GLI3: variants seen among roughly 807,000 people sequenced by gnomAD.
The protein encoded by GLI3 is GLI family zinc finger 3.
In GLI3, 20 loss-of-function variants were observed where a neutral mutation model predicts 100.8. The observed-to-expected ratio is 0.20, with a 90% CI of 0.14 to 0.29. GLI3 has a LOEUF of 0.29. GLI3 is among the 10% of genes least tolerant of loss of function. The probability of loss-of-function intolerance (pLI) is 1.00; values close to 1 mark genes in which losing one functional copy is unlikely to be tolerated. For missense variants in GLI3, 2,040 were observed against 2,128.5 expected (o/e 0.96, Z 0.82); for synonymous variants, 938 against 860.5 (o/e 1.09, Z -1.58).
At chr7:42,115,588 C>T (rs1785833185) in intron 3 of GLI3, among the ~76,000 whole-genome samples, 2 of 152,174 alleles carry the variant, frequency 1.3e-5, no homozygotes, top group South Asian at 4.1e-4. Context: ...CCCCGGGCTG[C>T]TATTAAGTGC....
At chr7:42,078,129 C>T (rs1784919274) in intron 3 of GLI3, among the ~76,000 whole-genome samples, 1 of 152,202 alleles carries the variant, frequency 6.6e-6, no homozygotes, top group East Asian at 1.9e-4. Flanking sequence ...CAGAGCGTCC[C>T]CCCGCTGAAG....
At chr7:42,238,931 T>A (rs1039720437), upstream of GLI3, among the ~76,000 whole-genome samples, 2 of 152,224 alleles carry the variant, frequency 1.3e-5, no homozygotes, top group Non-Finnish European at 2.9e-5. Flanking sequence ...GGTGGATGAA[T>A]GATGAGCTAT....
At chr7:42,242,828 A>G (rs981477291), upstream of GLI3, among the ~76,000 whole-genome samples, 2 of 152,230 alleles carry the variant, frequency 1.3e-5, no homozygotes, top group African/African-American at 4.8e-5. Context: ...AGGAATTCTT[A>G]TGAGGAATTT....
chr7:42,262,465 G>T (rs1158524360), intron 1 of GLI3, among the ~76,000 whole-genome samples: 8 of 152,034 alleles, frequency 5.3e-5, no homozygotes, highest in African/African-American at 1.9e-4. Flanking sequence ...TAACCATGTT[G>T]CCCAGGCTTG....
intron 10 of GLI3, among the ~76,000 whole-genome samples, chr7:41,985,098 G>A (rs1787781090): frequency 6.6e-6 from 1 of 152,234 alleles, no homozygotes. Context: ...GGAAGGCTGA[G>A]CACACTTGCT....
intron 2 of GLI3, among the ~76,000 whole-genome samples, chr7:42,190,117 C>T (rs1787797019): frequency 2.1e-5 from 3 of 143,962 alleles, no homozygotes; most frequent in South Asian, 2.2e-4. Flanking sequence ...ACAAAGTCAG[C>T]GGCATGAATA....
At chr7:42,121,741 A>G (rs1786005493) in intron 3 of GLI3, among the ~76,000 whole-genome samples, 1 of 152,122 alleles carries the variant, frequency 6.6e-6, no homozygotes, top group Admixed American at 6.5e-5. Flanking sequence ...CCCCTCCATC[A>G]GGAGTGCACC....
At chr7:42,059,844 C>G (rs1347840874) in intron 4 of GLI3, among the ~76,000 whole-genome samples, 2 of 152,254 alleles carry the variant, frequency 1.3e-5, no homozygotes, top group African/African-American at 4.8e-5. Flanking sequence ...AGCTTTTTCC[C>G]TTGGGTAGTC....
intron 1 of GLI3, among the ~76,000 whole-genome samples, chr7:42,261,223 A>ACACACACACACACACAACAC (rs1491140813): frequency 1.4e-5 from 1 of 70,770 alleles, no homozygotes; most frequent in Non-Finnish European, 3.7e-5. Flanking sequence ...ACACACACAC[A>ACACACACACACACACAACAC]ACACACACAC....
At chr7:42,215,986 T>TA (rs1788368588) in intron 2 of GLI3, among the ~76,000 whole-genome samples, 1 of 152,220 alleles carries the variant, frequency 6.6e-6, no homozygotes, top group East Asian at 1.9e-4. Context: ...TCAATAAATT[T>TA]AATCCTGGCA....
chr7:42,184,983 A>G (rs879394564), intron 2 of GLI3, among the ~76,000 whole-genome samples: 1 of 152,064 alleles, frequency 6.6e-6, no homozygotes, highest in Non-Finnish European at 1.5e-5. Context: ...CATCCTGCAC[A>G]CAAAACTCTA....
chr7:42,138,262 C>T (rs1285550432), intron 3 of GLI3, among the ~76,000 whole-genome samples: 2 of 152,172 alleles, frequency 1.3e-5, no homozygotes, highest in African/African-American at 4.8e-5. Context: ...GGACTGAGTC[C>T]CCCAGAGGCA....
chr7:41,998,007 C>T (rs1366059359), intron 10 of GLI3, among the ~76,000 whole-genome samples: 1 of 152,160 alleles, frequency 6.6e-6, no homozygotes, highest in Non-Finnish European at 1.5e-5. Context: ...CGGCTGCACA[C>T]TTAAAATTTT....
chr7:41,987,783 T>C (rs1439454519), intron 10 of GLI3, among the ~76,000 whole-genome samples: 1 of 152,220 alleles, frequency 6.6e-6, no homozygotes, highest in Non-Finnish European at 1.5e-5. Flanking sequence ...GCACTGTTAA[T>C]TCAGAATCTC....
At position 41,978,737 on chromosome 7, in the gene GLI3, G is replaced by C. The variant is rs34020684; in HGVS notation, c.1509C>G (p.Asn503Lys). 1.2e-6 allele frequency: 2 copies of C among 1,613,386 alleles called. No individual in the cohort carries two copies. The highest frequency in any genetic ancestry group is 1.7e-6 in the Non-Finnish European group (2 of 1,179,476). Reference sequence around the variant, plus strand: ...CCTTCTTCTCTCCATGAATATGGTCGTTATTTATATGCTGGGGTTTGGAAA... The same window carrying C: ...CCTTCTTCTCTCCATGAATATGGTCCTTATTTATATGCTGGGGTTTGGAAA... Reference protein sequence around the residue: ...TQEQLVHHINNDHIHGEKKEF... With the variant: ...TQEQLVHHINKDHIHGEKKEF... The change falls in exon 11 of 15, where the codon AAC becomes AAG. Residue 503 changes from asparagine to lysine, a missense_variant. Asn to Lys is a moderately conservative substitution (Grantham distance 94). Coordinates refer to ENST00000395925, the MANE Select transcript of GLI3 (RefSeq NM_000168.6).
chr7:41,975,586 C>G (rs1458181085), intron 12 of GLI3, among the ~76,000 whole-genome samples: 2 of 152,156 alleles, frequency 1.3e-5, no homozygotes, highest in African/African-American at 4.8e-5. Context: ...GACATTACTA[C>G]CCAAGATATC....
At chr7:42,131,836 GAA>G (rs1301626036) in intron 3 of GLI3, among the ~76,000 whole-genome samples, 1 of 152,140 alleles carries the variant, frequency 6.6e-6, no homozygotes, top group Non-Finnish European at 1.5e-5. Context: ...AATATTGAAA[GAA>G]GAGGGCAGAG....
At chr7:42,229,807 GTTGAT>G (rs1788659095) in intron 1 of GLI3, among the ~76,000 whole-genome samples, 2 of 152,016 alleles carry the variant, frequency 1.3e-5, no homozygotes, top group Admixed American at 6.5e-5. Context: ...ACAAACTAAT[GTTGAT>G]TTGAACTTTT....
At chr7:41,975,155 G>A (rs138272718) in intron 12 of GLI3, among the ~76,000 whole-genome samples, 26 of 152,282 alleles carry the variant, frequency 1.7e-4, no homozygotes, top group Admixed American at 5.2e-4. Flanking sequence ...TCAGAGCTAC[G>A]GTCAGTCTAG....
Sources: gnomAD v4.1 joint callset for allele counts (sites outside exome capture counted in the v4.1 genomes callset) on GRCh38, gnomAD v4.1.1 for gene constraint, MANE v1.5 for transcripts, NCBI Gene and HGNC (gene_info 2026-07-23, HGNC 2026-07-21) for gene names.